Variants in ZSCAN30 observed in about 807,000 individuals in gnomAD.
ZSCAN30 encodes the protein zinc finger and SCAN domain-containing protein 30.
Under a neutral mutation model 44.3 loss-of-function variants are expected in ZSCAN30, and 37 were observed. The observed-to-expected ratio is 0.84, with a 90% CI of 0.64 to 1.10. The LOEUF (loss-of-function observed/expected upper bound fraction) is 1.10. Ranked by LOEUF, ZSCAN30 falls within the 50% of genes least tolerant of loss-of-function variation. ZSCAN30 has a pLI of 0.00. For synonymous variants in ZSCAN30, 181 were observed against 204.6 expected, an observed-to-expected ratio of 0.88 and a Z score of 0.98; for missense variants, 549 against 582.6, an observed-to-expected ratio of 0.94 and a Z score of 0.59.
At chr18:35,277,686 C>G (rs142414198) in intron 1 of ZSCAN30, among the ~76,000 whole-genome samples, 2 of 152,208 alleles carry the variant, frequency 1.3e-5, no homozygotes, top group Non-Finnish European at 2.9e-5. Context: ...TATATATTAC[C>G]CAGTCTCAGG....
At position 35,263,991 on chromosome 18, in the gene ZSCAN30, G is replaced by A. The variant is rs1356131400; in HGVS notation, c.362C>T (p.Thr121Ile). 6.2e-7 allele frequency: 1 copy of A among 1,614,198 alleles called. No homozygotes were observed. Among genetic ancestry groups the A allele is most frequent in the South Asian group, 1.1e-5 (1 of 91,088 alleles). ...HRPENGEEAV[T>I]MLEELEKELE... is the part of the protein sequence containing the mutation. ...TTCTTTTTCCAGCTCCTCCAGCATA[G>A]TCACAGCTTCCTCTCCATTCTCTGG... Residue 121 changes from threonine to isoleucine, a missense_variant, in exon 2 of 4, where the codon ACT becomes ATT. Coordinates refer to ENST00000333206, the MANE Select transcript of ZSCAN30 (RefSeq NM_001112734.4).
At chr18:35,275,850 T>A (rs538371479) in intron 1 of ZSCAN30, among the ~76,000 whole-genome samples, 1 of 152,218 alleles carries the variant, frequency 6.6e-6, no homozygotes, top group African/African-American at 2.4e-5. Flanking sequence ...TTTCCAGATA[T>A]CCCATTTTTT....
Position 35,288,954 on chromosome 18 carries a change from C to CTGTTT in ZSCAN30, c.-104+1125_-104+1129dup, listed in dbSNP as rs36224225. On this transcript the variant is annotated intron_variant, in intron 1 of 3. Coordinates refer to ENST00000333206, the MANE Select transcript of ZSCAN30 (RefSeq NM_001112734.4). ...TTATGTCAGTTATACCTCAATAAAG[C>CTGTTT]TGTTTTGTTTTGTTTTGTTTTGTTT... Among the ~76,000 whole-genome samples, 92 of 150,778 alleles carry CTGTTT rather than the reference C, an allele frequency of 6.1e-4. 1 individual carries two copies. In the East Asian group the frequency reaches 9.6e-3, roughly 16 times the overall value.
Position 35,253,087 on chromosome 18 carries a change from T to G in ZSCAN30, c.*363A>C, listed in dbSNP as rs1326627054. On this transcript the variant is annotated 3_prime_UTR_variant, in exon 4 of 4. Transcript: ENST00000333206. ...CTTGCCAGGCACATTTGCCATCTTA[T>G]AAGAAGCTCTTTCAGGATCTCTGCC... 2 of 179,712 alleles carry G rather than the reference T, an allele frequency of 1.1e-5. No homozygotes were observed. The highest frequency in any genetic ancestry group is 2.3e-5 in the Non-Finnish European group (2 of 85,970). The allele number at this position is 179,712 out of a possible 1,614,324, so 11.1% of individuals were successfully genotyped here. A position where few individuals can be genotyped will look rare whatever the true frequency, so the allele number is the denominator to read the frequency against.
intron 1 of ZSCAN30, chr18:35,266,592 T>C (rs1456776893): frequency 6.6e-6 from 1 of 151,902 alleles, no homozygotes. Flanking sequence ...AAACCGTGCT[T>C]TGCCAGGTAT....
intron 1 of ZSCAN30, chr18:35,267,363 C>T (rs62096512): frequency 0.4 from 61,048 of 152,082 alleles, 12,859 homozygotes; most frequent in South Asian, 0.48. Context: ...CCAGATACAG[C>T]CGAGCCCCGG....
At chr18:35,257,437 C>T (rs1267079774) in intron 3 of ZSCAN30, 1 of 156,296 alleles carries the variant, frequency 6.4e-6, no homozygotes, top group Non-Finnish European at 1.4e-5. Context: ...TGGAAGGTGA[C>T]TAGGTCATGA....
chr18:35,260,436 C>A (rs2043999591), intron 3 of ZSCAN30: 1 of 152,208 alleles, frequency 6.6e-6, no homozygotes, highest in African/African-American at 2.4e-5. Flanking sequence ...GGAATCACCA[C>A]ACTGTCTTCC....
At chr18:35,278,588 T>G (rs374085392) in intron 1 of ZSCAN30, among the ~76,000 whole-genome samples, 8 of 152,236 alleles carry the variant, frequency 5.3e-5, no homozygotes, top group African/African-American at 1.7e-4. Context: ...CCAAAACGTT[T>G]GTCCCAGTGC....
chr18:35,254,539 G>C (rs1001658543), intron 3 of ZSCAN30, 158 bp from the exon 4 acceptor site: 1 of 1,421,154 alleles, frequency 7.0e-7, no homozygotes, highest in Non-Finnish European at 9.5e-7. Flanking sequence ...AGTGGCCTGG[G>C]GTAGCCAAAT....
intron 1 of ZSCAN30, among the ~76,000 whole-genome samples, chr18:35,271,889 G>A (rs1159210840): frequency 6.6e-6 from 1 of 151,982 alleles, no homozygotes; most frequent in Non-Finnish European, 1.5e-5. Context: ...TGCTGGCCCG[G>A]GTGCTAAGCC....
chr18:35,263,646 A>G lies in ZSCAN30; in HGVS notation c.420T>C (p.His140=), dbSNP rs1452700187. 1 of 1,614,206 alleles carries G rather than the reference A, an allele frequency of 6.2e-7. No individual in the cohort carries two copies. The highest frequency in any genetic ancestry group is 1.7e-5 in the Admixed American group (1 of 60,018). The change falls in exon 3 of 4, where the codon CAT becomes CAC. Residue 140 remains histidine, a synonymous_variant. Coordinates refer to ENST00000333206, the MANE Select transcript of ZSCAN30 (RefSeq NM_001112734.4). The part of the protein sequence containing the change: ...LEEPRQQDTT[H]GQEMFWQEMT... ...TTTCCTGCCAGAACATTTCTTGGCC[A>G]TGAGTTGTGTCCTAGGAGTAATCAA...
chr18:35,262,050 C>T (rs2044039223), intron 3 of ZSCAN30: 1 of 152,100 alleles, frequency 6.6e-6, no homozygotes, highest in South Asian at 2.1e-4. Context: ...AGGGTCTGGC[C>T]TTTGGGCTTA....
At chr18:35,254,717 G>GCC (rs2043733797) in intron 3 of ZSCAN30, 2 of 357,256 alleles carry the variant, frequency 5.6e-6, no homozygotes, top group South Asian at 5.7e-5. Context: ...ACGTTTTTAG[G>GCC]TAATGAGATA....
intron 1 of ZSCAN30, chr18:35,284,415 C>T (rs2044515630): frequency 1.9e-5 from 3 of 154,144 alleles, no homozygotes; most frequent in South Asian, 2.0e-4. Context: ...CCAGGCTGTT[C>T]GTGGGGACAA....
intron 1 of ZSCAN30, chr18:35,283,368 T>C (rs141372983): frequency 2.4e-3 from 361 of 152,402 alleles, no homozygotes; most frequent in Non-Finnish European, 3.8e-3. Context: ...CACAGGATAC[T>C]TGGGGTGTTG....
chr18:35,288,478 A>G (rs995814456), intron 1 of ZSCAN30, among the ~76,000 whole-genome samples: 5 of 152,234 alleles, frequency 3.3e-5, no homozygotes, highest in African/African-American at 1.2e-4. Flanking sequence ...GGAAAAAAGC[A>G]TATGTCCATA....
rs1204519207 is a variant in ZSCAN30 at position 35,251,900 on chromosome 18, C to CACTACCT, written c.*1543_*1549dup. 1.4e-4 allele frequency: 22 copies of CACTACCT among 152,130 alleles called. No homozygotes were observed. The highest frequency in any genetic ancestry group is 5.3e-4 in the African/African-American group (22 of 41,488). The allele number at this position is 152,130 out of a possible 1,614,324, so 9.4% of individuals were successfully genotyped here. ...ATCACCAAGTCTTCTTTAGAAATGA[C>CACTACCT]ACTACCTAGGATATCTTAGAAGAGG... On this transcript the variant is annotated 3_prime_UTR_variant, in exon 4 of 4. Transcript: ENST00000333206.
intron 1 of ZSCAN30, chr18:35,268,669 G>C (rs1156963693): frequency 1.3e-5 from 2 of 152,316 alleles, no homozygotes; most frequent in Non-Finnish European, 2.9e-5. Context: ...TGACAGAGGA[G>C]GGCAAGAGAG....
Sources: allele counts gnomAD v4.1 joint callset (sites outside exome capture counted in the v4.1 genomes callset), GRCh38; gene constraint gnomAD v4.1.1; transcripts MANE v1.5; gene names NCBI Gene and HGNC (gene_info 2026-07-23, HGNC 2026-07-21).